The following SPEF2 variants were observed in gnomAD, a reference collection of about 807,000 sequenced individuals.
SPEF2 encodes sperm flagella and cilia-associated protein 2.
Under a neutral mutation model 224.6 loss-of-function variants are expected in SPEF2, and 187 were observed. The ratio of observed to expected loss-of-function variants is 0.83; its 90% confidence interval spans 0.74 to 0.94. The LOEUF is 0.94. SPEF2 is among the 40% of genes least tolerant of loss of function. SPEF2 has a pLI of 0.00. For synonymous variants in SPEF2, 715 were observed against 707.3 expected, an observed-to-expected ratio of 1.01 and a Z score of -0.17; for missense variants, 2,170 against 2,135.6, an observed-to-expected ratio of 1.02 and a Z score of -0.32.
At position 35,773,955 on chromosome 5, in the gene SPEF2, A is replaced by T. The variant is rs1320593430; in HGVS notation, c.4012A>T (p.Ile1338Phe). The T allele has an allele frequency of 6.2e-6, 10 of 1,613,468 alleles. No homozygotes were observed. In the South Asian group the frequency reaches 1.1e-4, roughly 18 times the overall value. ...AGTAACAACAGAGGAAATTGCTGAA[A>T]TCAAAAGGAAAAATGAACTGAGGGT... ...VIVTTEEIAE[I>F]KRKNELRVKI... The change falls in exon 28 of 37, where the codon ATC (isoleucine) becomes TTC (phenylalanine). Residue 1338 changes from isoleucine (I) to phenylalanine (F), a missense_variant. Physicochemically the swap from Ile to Phe is conservative, Grantham distance 21 (BLOSUM62 0). Transcript: ENST00000356031.
At chr5:35,752,645 A>T (rs996350119) in intron 23 of SPEF2, among the ~76,000 whole-genome samples, 1 of 70 alleles carries the variant, frequency 0.014, no homozygotes, top group Non-Finnish European at 0.031. Flanking sequence ...ATTTGACTGT[A>T]TATGTTTCAT....
chr5:35,780,845 G>A (rs942702301), intron 30 of SPEF2, among the ~76,000 whole-genome samples: 3 of 152,180 alleles, frequency 2.0e-5, no homozygotes, highest in African/African-American at 7.2e-5. Context: ...ATAGGTAGAA[G>A]TGGATTTTGA....
At chr5:35,810,969 G>A (rs1216711452) in intron 36 of SPEF2, among the ~76,000 whole-genome samples, 1 of 151,890 alleles carries the variant, frequency 6.6e-6, no homozygotes, top group African/African-American at 2.4e-5. Flanking sequence ...ACCACCCAGG[G>A]GACTCATTTG....
intron 2 of SPEF2, among the ~76,000 whole-genome samples, chr5:35,630,695 C>CAA (rs1367926106): frequency 4.7e-5 from 7 of 149,392 alleles, no homozygotes; most frequent in African/African-American, 1.8e-4. Context: ...GACTCCGTCT[C>CAA]AAAAAAAGAA....
At chr5:35,701,478 G>A (rs1360211499) in intron 16 of SPEF2, among the ~76,000 whole-genome samples, 10 of 152,100 alleles carry the variant, frequency 6.6e-5, no homozygotes, top group Admixed American at 3.9e-4. Flanking sequence ...GATAATAAGC[G>A]TGTGGTAAAT....
intron 20 of SPEF2, among the ~76,000 whole-genome samples, chr5:35,713,985 AT>A (rs1741911919): frequency 1.9e-4 from 1 of 5,292 alleles, no homozygotes; most frequent in African/African-American, 4.5e-4. Flanking sequence ...TATATATAGT[AT>A]TATATATTTT....
At chr5:35,760,306 C>G (rs1751064353) in intron 25 of SPEF2, among the ~76,000 whole-genome samples, 2 of 150,008 alleles carry the variant, frequency 1.3e-5, no homozygotes, top group Admixed American at 1.3e-4. Flanking sequence ...GAGCTTGCAG[C>G]GAGCCAAGAT....
At chr5:35,721,028 A>C (rs1382447641) in intron 20 of SPEF2, among the ~76,000 whole-genome samples, 1 of 152,222 alleles carries the variant, frequency 6.6e-6, no homozygotes, top group Admixed American at 6.5e-5. Context: ...ATCCCTTTAC[A>C]AATTTTGCCA....
rs557958451 is a variant in SPEF2 at position 35,780,237 on chromosome 5, T to C, written c.4447+891T>C. 1.3e-5 allele frequency among the ~76,000 whole-genome samples: 2 copies of C among 152,344 alleles called. 1 individual carries two copies. Among genetic ancestry groups the C allele is most frequent in the South Asian group, 4.1e-4 (2 of 4,832 alleles). ...TCCCTGTAGCATAGTCAACTGACTT[T>C]AGTATTAATACAATGTTACTTTTTA... On this transcript the variant is annotated intron_variant, in intron 30 of 36. Transcript: ENST00000356031.
intron 24 of SPEF2, among the ~76,000 whole-genome samples, chr5:35,756,813 G>A (rs1045079744): frequency 3.3e-5 from 5 of 152,084 alleles, no homozygotes; most frequent in Non-Finnish European, 7.4e-5. Flanking sequence ...CAAGTGTATC[G>A]ACATATTTAG....
chr5:35,692,456 G>C lies in SPEF2; in HGVS notation c.1745-114G>C, dbSNP rs1366458104. ...AACAAAAAAGAAACTTGATCCAAAA[G>C]ACTGTTCTAGCGGGCCTGAAAGACA... On this transcript the variant is annotated intron_variant, in intron 11 of 36. Coordinates refer to ENST00000356031, the MANE Select transcript of SPEF2 (RefSeq NM_024867.4). 5.5e-6 allele frequency: 4 copies of C among 732,206 alleles called. No homozygotes were observed. In the Admixed American group the frequency reaches 7.4e-5, roughly 14 times the overall value. 45.4% of individuals were successfully genotyped at this position (732,206 alleles called of 1,614,324 possible). A position where few individuals can be genotyped will look rare whatever the true frequency, so the allele number is the denominator to read the frequency against.
At chr5:35,676,456 C>T (rs569560733) in intron 10 of SPEF2, among the ~76,000 whole-genome samples, 8 of 152,226 alleles carry the variant, frequency 5.3e-5, no homozygotes, top group East Asian at 3.9e-4. Context: ...AGGCTGTTTG[C>T]GGGGGCTCAC....
rs114556789 is a variant in SPEF2, at chr5:35,650,421, G to A, written c.791+996G>A. On this transcript the variant is annotated intron_variant, in intron 6 of 36. Coordinates refer to ENST00000356031, the MANE Select transcript of SPEF2 (RefSeq NM_024867.4). ...CCATGCAGCCACCACTTGAACCCTA[G>A]CACACACCTACCCTGACCTTGGCCC... Among the ~76,000 whole-genome samples the A allele has an allele frequency of 1.5e-3, 222 of 152,122 alleles. 1 individual carries two copies. Among genetic ancestry groups the A allele is most frequent in the African/African-American group, 5.1e-3 (212 of 41,492 alleles).
At chr5:35,713,019 C>A in intron 20 of SPEF2, 133 bp downstream of exon 20, 2 of 832,828 alleles carry the variant, frequency 2.4e-6, no homozygotes, top group Non-Finnish European at 3.6e-6. Flanking sequence ...TAAGCCCTTG[C>A]CAAAGAATAT....
chr5:35,692,499 C>A, intron 11 of SPEF2, 71 bp from the exon 12 acceptor site: 4 of 1,229,860 alleles, frequency 3.3e-6, no homozygotes, highest in Non-Finnish European at 4.6e-6. Flanking sequence ...AGGACAAAAC[C>A]AGCACATAAA....
chr5:35,676,675 GC>G (rs1413554958), intron 10 of SPEF2, among the ~76,000 whole-genome samples: 1 of 152,030 alleles, frequency 6.6e-6, no homozygotes, highest in African/African-American at 2.4e-5. Flanking sequence ...GTTTCAGTGA[GC>G]CAAGATCGTG....
chr5:35,686,879 T>C (rs1753708839), intron 10 of SPEF2, among the ~76,000 whole-genome samples: 1 of 152,088 alleles, frequency 6.6e-6, no homozygotes, highest in South Asian at 2.1e-4. Context: ...TATATACACA[T>C]ATATATATTG....
chr5:35,622,316 A>G (rs1049553740), intron 1 of SPEF2, among the ~76,000 whole-genome samples: 2 of 152,162 alleles, frequency 1.3e-5, no homozygotes, highest in Non-Finnish European at 2.9e-5. Flanking sequence ...CTTTTGTCCT[A>G]ATATTTTCAG....
chr5:35,802,459 G>A (rs1466393913), intron 34 of SPEF2, among the ~76,000 whole-genome samples: 2 of 152,064 alleles, frequency 1.3e-5, no homozygotes, highest in Non-Finnish European at 2.9e-5. Context: ...TTCCAGGCAG[G>A]AGGAAGACAG....
Sources: gnomAD v4.1 joint callset for allele counts (sites outside exome capture counted in the v4.1 genomes callset) on GRCh38, gnomAD v4.1.1 for gene constraint, MANE v1.5 for transcripts, NCBI Gene and HGNC (gene_info 2026-07-23, HGNC 2026-07-21) for gene names.